The following CALB1 variants were observed in gnomAD, a reference collection of about 807,000 sequenced individuals.
CALB1 encodes the protein calbindin.
CALB1 carries 16 observed loss-of-function variants against 46.7 expected under a neutral mutation model. The observed-to-expected ratio is 0.34, with a 90% CI of 0.23 to 0.52. The LOEUF (loss-of-function observed/expected upper bound fraction) is 0.52, where lower values mean the gene tolerates loss of function less well. CALB1 is among the 20% of genes least tolerant of loss of function. CALB1 has a pLI of 0.95. For synonymous variants in CALB1, 90 were observed against 112.8 expected (o/e 0.80, Z 1.28); for missense variants, 224 against 300.3 (o/e 0.75, Z 1.88).
In CALB1 at chr8:90,060,232, C is replaced by G; in HGVS notation, c.727G>C (p.Asp243His). ...TYKKNIMALS[D>H]GGKLYRTDLA... ...TCCGTTCGGTACAGCTTCCCTCCAT[C>G]CGACAAAGCCATTATGTTCTTCTTG... Residue 243 changes from aspartate (D) to histidine (H), a missense_variant, in exon 11 of 11, where the codon GAT (aspartate) becomes CAT (histidine). Physicochemically the swap from Asp to His is moderately conservative, Grantham distance 81. Coordinates refer to ENST00000265431, the MANE Select transcript of CALB1 (RefSeq NM_004929.4). 1 of 1,613,618 alleles carries G rather than the reference C, an allele frequency of 6.2e-7. No individual in the cohort carries two copies. Among genetic ancestry groups the G allele is most frequent in the Non-Finnish European group, 8.5e-7 (1 of 1,179,560 alleles).
Position 90,068,991 on chromosome 8 carries a change from T to C in CALB1, c.372+7A>G, listed in dbSNP as rs1161860316. The C allele has an allele frequency of 5.6e-6, 9 of 1,601,332 alleles. No homozygotes were observed. Among genetic ancestry groups the C allele is most frequent in the Non-Finnish European group, 7.7e-6 (9 of 1,174,028 alleles). ...GAAAAACTTAGTACAAGTTTTTATT[T>C]GCTTACCTTAAGCTCCTCAGTTTCT... On this transcript the variant is annotated splice_region_variant and intron_variant, in intron 5 of 10. Coordinates refer to ENST00000265431, the MANE Select transcript of CALB1 (RefSeq NM_004929.4).
intron 3 of CALB1, among the ~76,000 whole-genome samples, chr8:90,070,837 A>AGAGTGT (rs1554578974): frequency 1.6e-5 from 2 of 121,624 alleles, no homozygotes; most frequent in African/African-American, 6.1e-5. Flanking sequence ...GCATCATTGC[A>AGAGTGT]GTGTGTGTGT....
intron 3 of CALB1, among the ~76,000 whole-genome samples, chr8:90,077,901 T>C (rs1402893627): frequency 1.3e-5 from 2 of 152,034 alleles, no homozygotes; most frequent in Admixed American, 1.3e-4. Context: ...CCATGAAAAA[T>C]AAGGACTGTA....
In CALB1 at chr8:90,080,104, A is replaced by G. The variant is rs188100505; in HGVS notation, c.157-1657T>C. 3.4e-3 allele frequency among the ~76,000 whole-genome samples: 510 copies of G among 152,068 alleles called. 3 individuals are homozygous for G. Among genetic ancestry groups the G allele is most frequent in the African/African-American group, 0.011 (473 of 41,548 alleles). ...AAATACTAAATTCAGAAAAATCCAG[A>G]TTGTATTTACATTCCAGAAAAATGC... On this transcript the variant is annotated intron_variant, in intron 2 of 10. Transcript: ENST00000265431.
At chr8:90,066,128 A>G (rs1814392165) in intron 5 of CALB1, among the ~76,000 whole-genome samples, 153 bp from the exon 6 acceptor site, 1 of 151,968 alleles carries the variant, frequency 6.6e-6, no homozygotes, top group African/African-American at 2.4e-5. Context: ...ATAATAGAAG[A>G]AAGACTAAAC....
chr8:90,069,105 C>T, intron 4 of CALB1, 49 bp downstream of exon 4: 1 of 1,609,620 alleles, frequency 6.2e-7, no homozygotes, highest in Non-Finnish European at 8.5e-7. Flanking sequence ...ATAAAAGGAA[C>T]AATTTTCCTA....
At chr8:90,082,219 T>G (rs917417943) in intron 1 of CALB1, 117 bp from the exon 2 acceptor site, 2 of 857,584 alleles carry the variant, frequency 2.3e-6, no homozygotes, top group Non-Finnish European at 3.8e-6. Flanking sequence ...TGCCTGGACG[T>G]TGATTAACCA....
intron 9 of CALB1, chr8:90,062,175 TA>T (rs1814313518): frequency 2.0e-5 from 3 of 151,874 alleles, no homozygotes; most frequent in Admixed American, 6.6e-5. Context: ...TTACACCATA[TA>T]AAAAATAAAT....
chr8:90,070,587 T>C (rs1814494489), intron 3 of CALB1, among the ~76,000 whole-genome samples: 1 of 152,212 alleles, frequency 6.6e-6, no homozygotes, highest in Admixed American at 6.5e-5. Context: ...GAAATAATAT[T>C]TCAAATTAAA....
At chr8:90,076,723 C>T (rs535256502) in intron 3 of CALB1, among the ~76,000 whole-genome samples, 6 of 151,990 alleles carry the variant, frequency 3.9e-5, no homozygotes, top group African/African-American at 1.2e-4. Context: ...TTCATTAAAC[C>T]TCCAGGACAA....
In CALB1 at chr8:90,059,419, C is replaced by T. The variant is rs1164324588; in HGVS notation, c.*754G>A. ...TAATCAGAGATTACACAGAGTATGA[C>T]ATAAAACAGCAGTTGACTAGAATAA... On this transcript the variant is annotated 3_prime_UTR_variant, in exon 11 of 11. Coordinates refer to ENST00000265431, the MANE Select transcript of CALB1 (RefSeq NM_004929.4). 6.6e-6 allele frequency: 1 copy of T among 152,624 alleles called. No homozygotes were observed. Among genetic ancestry groups the T allele is most frequent in the Admixed American group, 6.5e-5 (1 of 15,290 alleles). The allele number at this position is 152,624 out of a possible 1,614,324, so 9.5% of individuals were successfully genotyped here. A position where few individuals can be genotyped will look rare whatever the true frequency, so the allele number is the denominator to read the frequency against.
chr8:90,075,289 C>T (rs1365756234), intron 3 of CALB1, among the ~76,000 whole-genome samples: 1 of 152,112 alleles, frequency 6.6e-6, no homozygotes, highest in Admixed American at 6.5e-5. Context: ...ACCAATTTGG[C>T]CTGTTCCATC....
In CALB1 at chr8:90,059,252, T is replaced by C. The variant is rs1200052308; in HGVS notation, c.*921A>G. 6.6e-6 allele frequency: 1 copy of C among 152,564 alleles called. No homozygotes were observed. The highest frequency in any genetic ancestry group is 2.4e-5 in the African/African-American group (1 of 41,428). The allele number at this position is 152,564 out of a possible 1,614,324, so 9.5% of individuals were successfully genotyped here. The stretch of plus-strand genomic sequence containing the variant: ...AATTTTACATTAAAATTTAATTATG[T>C]AGTAAAAAATAGAGTTGTTATAGCT... On this transcript the variant is annotated 3_prime_UTR_variant, in exon 11 of 11. Transcript: ENST00000265431.
intron 8 of CALB1, 53 bp downstream of exon 8, chr8:90,063,228 A>G: frequency 6.5e-7 from 1 of 1,534,830 alleles, no homozygotes; most frequent in Non-Finnish European, 9.0e-7. Context: ...CAAGTCTCCC[A>G]CATTCTAGCT....
intron 1 of CALB1, 173 bp from the exon 2 acceptor site, chr8:90,082,275 C>T (rs552376768): frequency 6.9e-4 from 432 of 625,970 alleles, no homozygotes; most frequent in Admixed American, 1.3e-3. Flanking sequence ...GGGTATCAAA[C>T]TTTAGATCCA....
chr8:90,076,729 G>A (rs1814629378), intron 3 of CALB1, among the ~76,000 whole-genome samples: 1 of 151,768 alleles, frequency 6.6e-6, no homozygotes, highest in Admixed American at 6.6e-5. Context: ...AAACCTCCAG[G>A]ACAATGCGTC....
At chr8:90,063,668 A>T in intron 6 of CALB1, 1 of 506,522 alleles carries the variant, frequency 2.0e-6, no homozygotes, top group Non-Finnish European at 3.5e-6. Flanking sequence ...AATATAGAAT[A>T]GTCAAACAGA....
In CALB1 at chr8:90,074,939, CT is replaced by C. The variant is rs572920053; in HGVS notation, c.231+3433del. The stretch of plus-strand genomic sequence containing the variant: ...TTATCTGCTAAATCATTAAGTCTTC[CT>C]TTTTAATTATTTTAATCAGCCTTCT... On this transcript the variant is annotated intron_variant, in intron 3 of 10. Coordinates refer to ENST00000265431, the MANE Select transcript of CALB1 (RefSeq NM_004929.4). Among the ~76,000 whole-genome samples, 692 of 152,244 alleles carry C rather than the reference CT, an allele frequency of 4.5e-3. 8 individuals are homozygous for C. Among genetic ancestry groups the C allele is most frequent in the African/African-American group, 0.016 (660 of 41,552 alleles).
rs754501484 is a variant in CALB1, at chr8:90,082,641, G to A, written c.57C>T (p.Ile19=). ...SLITASQFFE[I]WLHFDADGSG... ...CACCGTCAGCGTCGAAATGGAGCCA[G>A]ATCTCGAAAAACTGTGAGGCTGTGA... is the stretch of plus-strand genomic sequence containing the variant. The change falls in exon 1 of 11, where the codon ATC becomes ATT. Residue 19 remains isoleucine, a synonymous_variant. Transcript: ENST00000265431. The A allele has an allele frequency of 1.7e-5, 27 of 1,614,074 alleles. No homozygotes were observed. The highest frequency in any genetic ancestry group is 2.2e-5 in the Non-Finnish European group (26 of 1,179,922).
Sources: gnomAD v4.1 joint callset for allele counts (sites outside exome capture counted in the v4.1 genomes callset) on GRCh38, gnomAD v4.1.1 for gene constraint, MANE v1.5 for transcripts, NCBI Gene and HGNC (gene_info 2026-07-23, HGNC 2026-07-21) for gene names.